SLC28A3: variants seen among roughly 807,000 people sequenced by gnomAD.
The protein encoded by SLC28A3 is solute carrier family 28 member 3, also known as concentrative Na(+)-nucleoside cotransporter 3.
Under a neutral mutation model 84.2 loss-of-function variants are expected in SLC28A3, and 68 were observed. That is an observed-to-expected ratio of 0.81 (90% confidence interval 0.66 to 0.99). SLC28A3 has a LOEUF of 0.99. SLC28A3 is among the 50% of genes least tolerant of loss of function. The pLI is 0.00. For synonymous variants in SLC28A3, 267 were observed against 303.6 expected, an observed-to-expected ratio of 0.88 and a Z score of 1.25; for missense variants, 712 against 841.5, an observed-to-expected ratio of 0.85 and a Z score of 1.90.
At chr9:84,283,524 A>AG (rs1824851511) in intron 14 of SLC28A3, among the ~76,000 whole-genome samples, 1 of 152,262 alleles carries the variant, frequency 6.6e-6, no homozygotes, top group Non-Finnish European at 1.5e-5. Flanking sequence ...TATACGTTCC[A>AG]GGGAGAAGAG....
upstream of SLC28A3, among the ~76,000 whole-genome samples, chr9:84,342,878 C>A (rs1007697981): frequency 6.6e-6 from 1 of 152,044 alleles, no homozygotes; most frequent in African/African-American, 2.4e-5. Flanking sequence ...AAACAATTGC[C>A]CCTGGCCAGG....
chr9:84,279,277 C>T lies in SLC28A3; in HGVS notation c.1937G>A (p.Ser646Asn), dbSNP rs1043045258. ...AAGAATACAATACCTGCTCAACAGA[C>T]TTTGGCAACAAGCTATCACCTTGGT... ...NTTKVIACCQSLLSSTVAKGP... is the reference protein window; with the variant it reads ...NTTKVIACCQNLLSSTVAKGP... The change falls in exon 17 of 18, where the codon AGT becomes AAT. Residue 646 changes from serine to asparagine, a missense_variant. Transcript: ENST00000376238. 42 of 1,609,572 alleles carry T rather than the reference C, an allele frequency of 2.6e-5. No homozygotes were observed. Among genetic ancestry groups the T allele is most frequent in the Non-Finnish European group, 3.1e-5 (36 of 1,178,374 alleles).
At chr9:84,314,773 T>A (rs1442728738) in intron 1 of SLC28A3, among the ~76,000 whole-genome samples, 1 of 152,152 alleles carries the variant, frequency 6.6e-6, no homozygotes, top group Non-Finnish European at 1.5e-5. Flanking sequence ...TACCCTTGGG[T>A]TCTTGGTATA....
chr9:84,306,547 G>A lies in SLC28A3; in HGVS notation c.243-1202C>T, dbSNP rs145317566. ...CCCATTCCAGTAGCAGGAAATATTG[G>A]TTATTTGGTTAATAACCAGTCTTTT... On this transcript the variant is annotated intron_variant, in intron 3 of 17. Transcript: ENST00000376238. 3.0e-3 allele frequency among the ~76,000 whole-genome samples: 451 copies of A among 152,194 alleles called. 3 individuals are homozygous for A. Among genetic ancestry groups the A allele is most frequent in the Non-Finnish European group, 3.9e-3 (265 of 68,010 alleles).
the SLC28A3 span, among the ~76,000 whole-genome samples, chr9:84,355,990 A>G: frequency 1.3e-5 from 2 of 151,600 alleles, no homozygotes; most frequent in Non-Finnish European, 2.9e-5. Flanking sequence ...AATTTTTTTT[A>G]AAAAAATTGC....
chr9:84,344,510 T>TAC (rs1564186223), upstream of SLC28A3, among the ~76,000 whole-genome samples: 1 of 152,036 alleles, frequency 6.6e-6, no homozygotes, highest in East Asian at 1.9e-4. Flanking sequence ...TATTTAACCC[T>TAC]ATATATCATG....
chr9:84,289,148 C>G (rs902832424), intron 11 of SLC28A3, among the ~76,000 whole-genome samples: 4 of 152,182 alleles, frequency 2.6e-5, no homozygotes, highest in Admixed American at 2.0e-4. Context: ...CTGTTCCCCC[C>G]AGAACATTTT....
At chr9:84,360,461 T>C in the SLC28A3 span, among the ~76,000 whole-genome samples, 1 of 151,770 alleles carries the variant, frequency 6.6e-6, no homozygotes, top group African/African-American at 2.4e-5. Context: ...TCTCATGGGG[T>C]CGTTAAAGTG....
intron 2 of SLC28A3, among the ~76,000 whole-genome samples, chr9:84,313,005 G>T (rs1826042442): frequency 6.6e-6 from 1 of 152,158 alleles, no homozygotes; most frequent in South Asian, 2.1e-4. Flanking sequence ...GTGCATGATG[G>T]ACCCAGATTC....
chr9:84,279,974 C>G lies in SLC28A3; in HGVS notation c.1828+1G>C, dbSNP rs1824677760. 6.2e-7 allele frequency: 1 copy of G among 1,613,546 alleles called. No individual in the cohort carries two copies. Among genetic ancestry groups the G allele is most frequent in the Admixed American group, 1.7e-5 (1 of 59,990 alleles). ...GGGACACAAAGGACAGGGTGCGGTA[C>G]CTGCGATGCAGGCTGTCATGAAGCA... is the stretch of plus-strand genomic sequence containing the variant. On this transcript the variant is annotated splice_donor_variant, in intron 16 of 17. Coordinates refer to ENST00000376238, the MANE Select transcript of SLC28A3 (RefSeq NM_001199633.2). LOFTEE classifies it high-confidence loss of function.
Position 84,280,089 on chromosome 9 carries a change from G to GGAGGGATGTGAGATCAATGTTGA in SLC28A3, c.1730-39_1730-17dup, listed in dbSNP as rs1407610568. The GGAGGGATGTGAGATCAATGTTGA allele has an allele frequency of 9.9e-6, 16 of 1,610,812 alleles. No individual in the cohort carries two copies. The highest frequency in any genetic ancestry group is 1.3e-5 in the African/African-American group (1 of 74,896). On this transcript the variant is annotated splice_polypyrimidine_tract_variant and intron_variant, in intron 15 of 17. Coordinates refer to ENST00000376238, the MANE Select transcript of SLC28A3 (RefSeq NM_001199633.2). ...GCCATGGATGCTGGGAAACATGGAA[G>GGAGGGATGTGAGATCAATGTTGA]GAGGGATGTGAGATCAATGTTGAAG...
intron 5 of SLC28A3, among the ~76,000 whole-genome samples, chr9:84,301,097 C>G (rs1039880336): frequency 2.6e-5 from 4 of 151,938 alleles, no homozygotes; most frequent in Admixed American, 6.6e-5. Context: ...CACCTATAAT[C>G]CCAGCACTTT....
chr9:84,355,582 C>T, the SLC28A3 span, among the ~76,000 whole-genome samples: 1 of 151,150 alleles, frequency 6.6e-6, no homozygotes, highest in Admixed American at 6.6e-5. Context: ...ATTTTGATTT[C>T]TTTTTTTTTG....
At chr9:84,326,078 T>A (rs908625351) in intron 1 of SLC28A3, among the ~76,000 whole-genome samples, 1 of 152,194 alleles carries the variant, frequency 6.6e-6, no homozygotes, top group Non-Finnish European at 1.5e-5. Flanking sequence ...TGCATGTATC[T>A]GCAATCATAA....
chr9:84,313,482 T>A (rs1231659093), intron 1 of SLC28A3, 28 bp from the exon 2 acceptor site: 1 of 1,589,050 alleles, frequency 6.3e-7, no homozygotes, highest in Admixed American at 1.7e-5. Flanking sequence ...ATTGAAAAAA[T>A]AAAAAGTTAC....
the SLC28A3 span, among the ~76,000 whole-genome samples, chr9:84,364,773 T>G: frequency 1.3e-5 from 2 of 152,190 alleles, no homozygotes; most frequent in African/African-American, 4.8e-5. Context: ...CATGCGATGT[T>G]TGTCTTTCTG....
chr9:84,280,012 C>G lies in SLC28A3; in HGVS notation c.1791G>C (p.Ala597=), dbSNP rs757375728. 1.2e-6 allele frequency: 2 copies of G among 1,613,986 alleles called. No individual in the cohort carries two copies. The highest frequency in any genetic ancestry group is 1.7e-6 in the Non-Finnish European group (2 of 1,180,012). Residue 597 remains alanine (A), a synonymous_variant, in exon 16 of 18, where the codon GCG becomes GCC. Transcript: ENST00000376238. ...IASGAVRALI[A]GTVACFMTAC... ...CTGTCATGAAGCAGGCCACGGTCCCCGCAATCAGAGCTCTCACTGCCCCCG... is the reference window on the plus strand; with the variant it reads ...CTGTCATGAAGCAGGCCACGGTCCCGGCAATCAGAGCTCTCACTGCCCCCG...
intron 8 of SLC28A3, among the ~76,000 whole-genome samples, chr9:84,296,120 T>C (rs1265122203): frequency 6.6e-6 from 1 of 152,164 alleles, no homozygotes; most frequent in Non-Finnish European, 1.5e-5. Flanking sequence ...TATTCCTTCT[T>C]TATGACTTTA....
At chr9:84,341,629 G>A (rs1827160134), upstream of SLC28A3, among the ~76,000 whole-genome samples, 1 of 152,162 alleles carries the variant, frequency 6.6e-6, no homozygotes, top group Non-Finnish European at 1.5e-5. Flanking sequence ...AGACTGGGCT[G>A]CTTTCAAAAA....
Sources: allele counts gnomAD v4.1 joint callset (sites outside exome capture counted in the v4.1 genomes callset), GRCh38; gene constraint gnomAD v4.1.1; transcripts MANE v1.5; gene names NCBI Gene and HGNC (gene_info 2026-07-23, HGNC 2026-07-21).